The following ZNF433 variants were observed in gnomAD, a reference collection of about 807,000 sequenced individuals.
ZNF433 encodes the protein zinc finger protein 433.
A neutral mutation model predicts 10.6 loss-of-function variants in ZNF433; 12 were observed. That is an observed-to-expected ratio of 1.13 (90% CI 0.72 to 1.83). The LOEUF is 1.83. Ranked by LOEUF, ZNF433 falls within the 40% of genes most tolerant of loss-of-function variation. The pLI is 0.00. For missense variants in ZNF433, 737 were observed against 798.0 expected, an observed-to-expected ratio of 0.92 and a Z score of 0.92; for synonymous variants, 272 against 271.3, an observed-to-expected ratio of 1.00 and a Z score of -0.02.
At position 12,016,524 on chromosome 19, in the gene ZNF433, C is replaced by A; in HGVS notation, c.334G>T (p.Ala112Ser). ...ATGTGCCTATTAAGAGATGAATGAGCACTGCCTACTTCTCCATACACACTG... is the reference window on the plus strand; with the variant it reads ...ATGTGCCTATTAAGAGATGAATGAGAACTGCCTACTTCTCCATACACACTG... ...ESSVYGEVGSAHSSLNRHIRD... is the reference protein window; with the variant it reads ...ESSVYGEVGSSHSSLNRHIRD... Residue 112 changes from alanine to serine, a missense_variant, in exon 4 of 4, where the codon GCT becomes TCT. Coordinates refer to ENST00000550507, the MANE Select transcript of ZNF433 (RefSeq NM_001308348.2). 1.2e-6 allele frequency: 2 copies of A among 1,614,112 alleles called. No individual in the cohort carries two copies. The highest frequency in any genetic ancestry group is 1.7e-6 in the Non-Finnish European group (2 of 1,180,016).
intron 1 of ZNF433, among the ~76,000 whole-genome samples, chr19:12,020,557 CGA>C (rs1974436181): frequency 6.6e-6 from 1 of 152,038 alleles, no homozygotes; most frequent in African/African-American, 2.4e-5. Context: ...GACGTCCTTT[CGA>C]GAGAGGAGTG....
intron 1 of ZNF433, among the ~76,000 whole-genome samples, chr19:12,021,338 CCTT>C (rs1241997644): frequency 6.6e-6 from 1 of 152,158 alleles, no homozygotes; most frequent in African/African-American, 2.4e-5. Context: ...TAGGCTTTGG[CCTT>C]CTTCTGCAGA....
At chr19:12,024,791 C>CTTA (rs1974659603) in intron 1 of ZNF433, 1 of 152,144 alleles carries the variant, frequency 6.6e-6, no homozygotes, top group Admixed American at 6.6e-5. Context: ...CTCATGGACT[C>CTTA]TTAACTCCTT....
rs1440824721 is a variant in ZNF433 at position 12,016,282 on chromosome 19, A to G, written c.576T>C (p.Asp192=). The G allele has an allele frequency of 1.8e-5, 29 of 1,614,230 alleles. No homozygotes were observed. The highest frequency in any genetic ancestry group is 2.5e-5 in the Non-Finnish European group (29 of 1,180,028). ...CACAAAATTTACACTTATAAGGTCC[A>G]TCTCCACGGTGCATTATCCTGTGTC... ...LQRHRIMHRG[D]GPYKCKFCGK... is the part of the protein sequence containing the mutation. Residue 192 remains aspartate, a synonymous_variant, in exon 4 of 4, where the codon GAT becomes GAC. Transcript: ENST00000550507.
At chr19:12,034,858 C>T (rs1169845334) in intron 1 of ZNF433, 1 of 454,098 alleles carries the variant, frequency 2.2e-6, no homozygotes, top group Non-Finnish European at 4.4e-6. Context: ...ATGATTCTCC[C>T]TGCAATTCCT....
chr19:12,021,892 G>A (rs1974512699), intron 1 of ZNF433: 1 of 450,512 alleles, frequency 2.2e-6, no homozygotes, highest in Non-Finnish European at 4.5e-6. Flanking sequence ...GACTGTGGGT[G>A]CACTATTTCC....
At chr19:12,024,926 C>G (rs1253483748) in intron 1 of ZNF433, 1 of 152,196 alleles carries the variant, frequency 6.6e-6, no homozygotes, top group South Asian at 2.1e-4. Flanking sequence ...CTTTTATAAA[C>G]AGTCTTACTT....
chr19:12,016,131 T>C lies in ZNF433; in HGVS notation c.727A>G (p.Arg243Gly). The C allele has an allele frequency of 6.2e-7, 1 of 1,614,220 alleles. No individual in the cohort carries two copies. The stretch of plus-strand genomic sequence containing the variant: ...TAAGGCTTCTCCCCAGTGTGAGTTC[T>C]TTCATGTATTCGAAGGCTACTAGAA... ...SHSSSLRIHE[R>G]THTGEKPYKC... The change falls in exon 4 of 4, where the codon AGA becomes GGA. Residue 243 changes from arginine to glycine, a missense_variant. By Grantham distance (125) the Arg-to-Gly change is moderately radical. Coordinates refer to ENST00000550507, the MANE Select transcript of ZNF433 (RefSeq NM_001308348.2).
chr19:12,035,451 G>T, intron 1 of ZNF433, 86 bp downstream of exon 1: 1 of 1,532,722 alleles, frequency 6.5e-7, no homozygotes, highest in South Asian at 1.2e-5. Flanking sequence ...AGTCGCCGCG[G>T]GGAGGCCCGG....
intron 1 of ZNF433, among the ~76,000 whole-genome samples, chr19:12,027,744 T>C (rs1273179134): frequency 6.6e-6 from 1 of 152,214 alleles, no homozygotes; most frequent in Non-Finnish European, 1.5e-5. Flanking sequence ...ATTCTATTAT[T>C]TCTCTGAGTG....
At position 12,015,469 on chromosome 19, in the gene ZNF433, T is replaced by G; in HGVS notation, c.1389A>C (p.Gln463His). The part of the protein sequence containing the change: ...GKPFSNFSFF[Q>H]IHERMHREEK... ...CTTCTCTGTGCATCCTTTCATGTAT[T>G]TGAAAGAAAGAGAAATTACTAAATG... Residue 463 changes from glutamine (Q) to histidine (H), a missense_variant, in exon 4 of 4, where the codon CAA becomes CAC. By Grantham distance (24) the Gln-to-His change is conservative (BLOSUM62 0). Coordinates refer to ENST00000550507, the MANE Select transcript of ZNF433 (RefSeq NM_001308348.2). The G allele has an allele frequency of 1.9e-6, 3 of 1,614,098 alleles. No homozygotes were observed. The highest frequency in any genetic ancestry group is 2.2e-5 in the East Asian group (1 of 44,874).
At chr19:12,021,505 TCC>T (rs1974492367) in intron 1 of ZNF433, among the ~76,000 whole-genome samples, 3 of 152,152 alleles carry the variant, frequency 2.0e-5, no homozygotes, top group Admixed American at 1.3e-4. Context: ...TTCCATCCTT[TCC>T]CTCGCCTTGC....
At chr19:12,028,832 C>T (rs1974864669) in intron 1 of ZNF433, among the ~76,000 whole-genome samples, 1 of 152,140 alleles carries the variant, frequency 6.6e-6, no homozygotes, top group South Asian at 2.1e-4. Context: ...GATGATAATA[C>T]AGGCTCCTGC....
At chr19:12,020,197 GGGCAGCAGA>G (rs539595905) in intron 1 of ZNF433, among the ~76,000 whole-genome samples, 119 of 152,158 alleles carry the variant, frequency 7.8e-4, no homozygotes, top group African/African-American at 2.8e-3. Context: ...ACTTGAATCT[GGGCAGCAGA>G]GGCTGCAGTG....
At chr19:12,035,095 T>A (rs187045566) in intron 1 of ZNF433, among the ~76,000 whole-genome samples, 84 of 152,348 alleles carry the variant, frequency 5.5e-4, no homozygotes, top group African/African-American at 1.9e-3. Flanking sequence ...ATATATTTTT[T>A]AAAACCTATT....
At position 12,016,354 on chromosome 19, in the gene ZNF433, A is replaced by T. The variant is rs1389062099; in HGVS notation, c.504T>A (p.Val168=). The stretch of plus-strand genomic sequence containing the variant: ...TAAATGTTTTTCCGCATTCCTCACA[A>T]ACATAGAGTTTCCTTCCACTATGAG... ...ERAHSGRKLY[V]CEECGKTFIS... The change falls in exon 4 of 4, where the codon GTT becomes GTA. Residue 168 remains valine (V), a synonymous_variant. Transcript: ENST00000550507. 1.2e-6 allele frequency: 2 copies of T among 1,614,022 alleles called. No individual in the cohort carries two copies. Among genetic ancestry groups the T allele is most frequent in the Admixed American group, 3.3e-5 (2 of 60,008 alleles).
At chr19:12,027,316 T>G (rs1293007347) in intron 1 of ZNF433, 1 of 317,246 alleles carries the variant, frequency 3.2e-6, no homozygotes, top group African/African-American at 2.3e-5. Flanking sequence ...CACCTTTGCT[T>G]TTATTGTCTT....
Position 12,018,502 on chromosome 19 carries a change from T to C in ZNF433, c.4-210A>G, listed in dbSNP as rs555932997. ...ACCATGTGGTAAAGCAACAGTAGAA[T>C]AGGAAAATGTGTATTTTTGGTAAAT... On this transcript the variant is annotated intron_variant, in intron 1 of 3. Transcript: ENST00000550507. 4.2e-5 allele frequency: 19 copies of C among 452,434 alleles called. No individual in the cohort carries two copies. The East Asian group carries it at 6.6e-4, about 16-fold the overall frequency. 28.0% of individuals were successfully genotyped at this position (452,434 alleles called of 1,614,324 possible). A position where few individuals can be genotyped will look rare whatever the true frequency, so the allele number is the denominator to read the frequency against.
chr19:12,026,779 T>G (rs769863520), intron 1 of ZNF433: 5 of 454,156 alleles, frequency 1.1e-5, no homozygotes, highest in South Asian at 7.8e-5. Flanking sequence ...ATTGTTCCCC[T>G]AAGGGGATGT....
Sources: gnomAD v4.1 joint callset for allele counts (sites outside exome capture counted in the v4.1 genomes callset) on GRCh38, gnomAD v4.1.1 for gene constraint, MANE v1.5 for transcripts, NCBI Gene and HGNC (gene_info 2026-07-23, HGNC 2026-07-21) for gene names.